CATSPERG: variants seen among roughly 807,000 people sequenced by gnomAD.
The protein encoded by CATSPERG is catsper channel auxiliary subunit gamma, also known as cation channel sperm-associated auxiliary subunit gamma.
A neutral mutation model predicts 145.0 loss-of-function variants in CATSPERG; 115 were observed. That is an observed-to-expected ratio of 0.79 (90% confidence interval 0.68 to 0.93). The LOEUF is 0.93. Ranked by LOEUF, CATSPERG falls within the 40% of genes least tolerant of loss-of-function variation. CATSPERG has a pLI of 0.00. For synonymous variants in CATSPERG, 588 were observed against 589.0 expected, an observed-to-expected ratio of 1.00 and a Z score of 0.02; for missense variants, 1,296 against 1,490.1, an observed-to-expected ratio of 0.87 and a Z score of 2.14.
Position 38,337,345 on chromosome 19 carries a change from G to A in CATSPERG, c.111G>A (p.Ala37=), listed in dbSNP as rs1401802751. ...AVLLASWRLW[A]IKDFQECTWQ... ...TCCTGGCGTCGTGGAGGCTGTGGGC[G>A]ATCAAGGATTTCCAGGAATGCACCT... The change falls in exon 2 of 29, where the codon GCG becomes GCA. Residue 37 remains alanine, a synonymous_variant. Transcript: ENST00000409235. 1.3e-6 allele frequency: 2 copies of A among 1,551,592 alleles called. No homozygotes were observed. The highest frequency in any genetic ancestry group is 1.7e-6 in the Non-Finnish European group (2 of 1,147,006).
At position 38,370,680 on chromosome 19, in the gene CATSPERG, T is replaced by C; in HGVS notation, c.3368T>C (p.Ile1123Thr). ...SYYTYASISG[I>T]SSMPSLRHSR... ...TACACCTACGCCTCCATTTCCGGAA[T>C]CTCGAGCATGCCGTCTCTGAGACAT... The change falls in exon 29 of 29, where the codon ATC (isoleucine) becomes ACC (threonine). Residue 1123 changes from isoleucine to threonine, a missense_variant. Ile to Thr is a moderately conservative substitution (Grantham distance 89, BLOSUM62 -1). Transcript: ENST00000409235. The C allele has an allele frequency of 1.1e-5, 18 of 1,614,006 alleles. No homozygotes were observed. The highest frequency in any genetic ancestry group is 1.4e-5 in the Non-Finnish European group (17 of 1,180,014).
At chr19:38,356,149 T>TA (rs1380591131) in intron 9 of CATSPERG, among the ~76,000 whole-genome samples, 3 of 152,124 alleles carry the variant, frequency 2.0e-5, no homozygotes, top group Non-Finnish European at 4.4e-5. Flanking sequence ...GGTGGCCCCT[T>TA]AAAGCTTCAG....
Position 38,370,580 on chromosome 19 carries a change from C to T in CATSPERG, c.3268C>T (p.Leu1090=). The change falls in exon 29 of 29, where the codon CTG becomes TTG. Residue 1090 remains leucine (L), a synonymous_variant. Coordinates refer to ENST00000409235, the MANE Select transcript of CATSPERG (RefSeq NM_021185.5). ...LVIFYIAFCL[L]WPLVVKGCTM... Reference sequence around the variant, plus strand: ...GATCTTCTACATCGCCTTCTGCCTCCTGTGGCCCCTCGTGGTGAAGGGCTG... The same window carrying T: ...GATCTTCTACATCGCCTTCTGCCTCTTGTGGCCCCTCGTGGTGAAGGGCTG... 1.9e-6 allele frequency: 3 copies of T among 1,614,206 alleles called. No individual in the cohort carries two copies. The highest frequency in any genetic ancestry group is 2.5e-6 in the Non-Finnish European group (3 of 1,180,040).
chr19:38,358,812 G>C (rs180966653), intron 13 of CATSPERG, among the ~76,000 whole-genome samples: 1 of 152,186 alleles, frequency 6.6e-6, no homozygotes, highest in African/African-American at 2.4e-5. Context: ...GACCCAGCCT[G>C]TGTGAGCAAT....
intron 18 of CATSPERG, 48 bp from the exon 19 acceptor site, chr19:38,362,328 G>A: frequency 6.2e-7 from 1 of 1,613,308 alleles, no homozygotes; most frequent in African/African-American, 1.3e-5. Flanking sequence ...ACCCCTCACC[G>A]TGCCCCACCC....
At chr19:38,345,567 C>T (rs1248773866) in intron 6 of CATSPERG, among the ~76,000 whole-genome samples, 2 of 151,140 alleles carry the variant, frequency 1.3e-5, no homozygotes, top group South Asian at 2.1e-4. Flanking sequence ...TGCAGTGGTG[C>T]GATCTCGGCT....
chr19:38,336,031 G>A (rs531988604), intron 1 of CATSPERG, 156 bp downstream of exon 1: 10 of 348,796 alleles, frequency 2.9e-5, no homozygotes, highest in South Asian at 2.0e-4. Flanking sequence ...GAGGGAAAGA[G>A]GGGAAGAGTC....
chr19:38,362,641 G>T, intron 19 of CATSPERG, 67 bp downstream of exon 19: 2 of 1,606,742 alleles, frequency 1.2e-6, no homozygotes, highest in Non-Finnish European at 1.7e-6. Context: ...GGAGCCTGGG[G>T]GGCGGGGACA....
Position 38,370,058 on chromosome 19 carries a change from G to A in CATSPERG, c.3107G>A (p.Ser1036Asn). 6.2e-7 allele frequency: 1 copy of A among 1,614,166 alleles called. No homozygotes were observed. Among genetic ancestry groups the A allele is most frequent in the Non-Finnish European group, 8.5e-7 (1 of 1,180,004 alleles). ...APEFFFKVLV[S>N]NRGVDTSTYC... Reference sequence around the variant, plus strand: ...GAATTCTTCTTCAAGGTGTTGGTGAGCAATAGGTGAGCCAGGCAAGTGGCC... The same window carrying A: ...GAATTCTTCTTCAAGGTGTTGGTGAACAATAGGTGAGCCAGGCAAGTGGCC... The change falls in exon 27 of 29, where the codon AGC becomes AAC. Residue 1036 changes from serine to asparagine, a missense_variant. Coordinates refer to ENST00000409235, the MANE Select transcript of CATSPERG (RefSeq NM_021185.5).
Position 38,362,751 on chromosome 19 carries a change from C to T in CATSPERG, c.2394C>T (p.Gly798=). Reference sequence around the variant, plus strand: ...AGCTGCATAGCCAGGTGGACGTGGGCGTGGTGCTGGCCGACCCCGGCTGCA... The same window carrying T: ...AGCTGCATAGCCAGGTGGACGTGGGTGTGGTGCTGGCCGACCCCGGCTGCA... ...AFQLHSQVDV[G]VVLADPGCIE... The change falls in exon 20 of 29, where the codon GGC becomes GGT. Residue 798 remains glycine, a synonymous_variant. Transcript: ENST00000409235. 1.2e-6 allele frequency: 2 copies of T among 1,613,576 alleles called. No individual in the cohort carries two copies. Among genetic ancestry groups the T allele is most frequent in the Non-Finnish European group, 1.7e-6 (2 of 1,179,858 alleles).
intron 14 of CATSPERG, 188 bp from the exon 15 acceptor site, chr19:38,360,301 A>G: frequency 1.0e-6 from 1 of 985,318 alleles, no homozygotes; most frequent in Non-Finnish European, 1.2e-6. Context: ...ACCAGAGGTG[A>G]TTGGGCTCAG....
chr19:38,362,835 G>T lies in CATSPERG; in HGVS notation c.2475+3G>T. ...ATCGCAACTCGGTGCTATTTTCGGT[G>T]AGGCCCCCCGGGGAGTTGGGATCAA... On this transcript the variant is annotated splice_donor_region_variant and intron_variant, in intron 20 of 28. Transcript: ENST00000409235. 3.2e-6 allele frequency: 5 copies of T among 1,564,028 alleles called. No homozygotes were observed. Among genetic ancestry groups the T allele is most frequent in the Non-Finnish European group, 4.4e-6 (5 of 1,134,608 alleles).
At chr19:38,356,453 G>A (rs762854465) in intron 9 of CATSPERG, 31 bp from the exon 10 acceptor site, 1 of 1,611,158 alleles carries the variant, frequency 6.2e-7, no homozygotes, top group Non-Finnish European at 8.5e-7. Context: ...GAGGGAGAGG[G>A]CCTGAACATG....
chr19:38,370,789 C>T lies in CATSPERG; in HGVS notation c.3477C>T (p.Thr1159=). The change falls in exon 29 of 29, where the codon ACC becomes ACT. Residue 1159 remains threonine (T), a synonymous_variant. Coordinates refer to ENST00000409235, the MANE Select transcript of CATSPERG (RefSeq NM_021185.5). ...AAGCCGTGGAGAGACAGTTGATGAC[C>T]TGAGTGTCCCACCTGCCCCAGCCCC... ...PKEAVERQLM[T] The T allele has an allele frequency of 6.2e-7, 1 of 1,612,374 alleles. No individual in the cohort carries two copies. Among genetic ancestry groups the T allele is most frequent in the Admixed American group, 1.7e-5 (1 of 59,982 alleles).
intron 3 of CATSPERG, among the ~76,000 whole-genome samples, chr19:38,343,217 C>G (rs957384090): frequency 7.2e-5 from 11 of 152,254 alleles, no homozygotes; most frequent in African/African-American, 2.6e-4. Context: ...AAGCAGCACC[C>G]TGGGTGCCAC....
At chr19:38,336,278 G>C (rs1003345361) in intron 1 of CATSPERG, 2 of 450,838 alleles carry the variant, frequency 4.4e-6, no homozygotes, top group Non-Finnish European at 4.5e-6. Context: ...AACGAAGGGC[G>C]AGGAAAGATC....
intron 3 of CATSPERG, among the ~76,000 whole-genome samples, chr19:38,340,166 T>A (rs1320795597): frequency 6.6e-6 from 1 of 152,048 alleles, no homozygotes; most frequent in Middle Eastern, 3.2e-3. Flanking sequence ...TTGAGATTAT[T>A]CTTTCCCCGC....
chr19:38,350,727 G>A (rs1432199728), intron 7 of CATSPERG, among the ~76,000 whole-genome samples: 1 of 152,140 alleles, frequency 6.6e-6, no homozygotes, highest in African/African-American at 2.4e-5. Context: ...GGTGGCTCAG[G>A]CCTGTAATCC....
intron 16 of CATSPERG, 27 bp from the exon 17 acceptor site, chr19:38,361,621 C>T (rs749618296): frequency 2.5e-6 from 4 of 1,584,330 alleles, no homozygotes; most frequent in Non-Finnish European, 2.6e-6. Flanking sequence ...TTAGAGCCAG[C>T]AGCCTTTCCC....
Sources: allele counts gnomAD v4.1 joint callset (sites outside exome capture counted in the v4.1 genomes callset), GRCh38; gene constraint gnomAD v4.1.1; transcripts MANE v1.5; gene names NCBI Gene and HGNC (gene_info 2026-07-23, HGNC 2026-07-21).